Variants in EXOC6 observed in about 807,000 individuals in gnomAD.
The protein encoded by EXOC6 is SEC15-like 1.
Under a neutral mutation model 112.5 loss-of-function variants are expected in EXOC6, and 60 were observed. That is an observed-to-expected ratio of 0.53 (90% CI 0.43 to 0.66). EXOC6 has a LOEUF of 0.66. EXOC6 is among the 30% of genes least tolerant of loss of function. The pLI is 0.00. For synonymous variants in EXOC6, 295 were observed against 308.0 expected, an observed-to-expected ratio of 0.96 and a Z score of 0.44; for missense variants, 855 against 957.1, an observed-to-expected ratio of 0.89 and a Z score of 1.41.
chr10:92,909,574 CT>C lies in EXOC6; in HGVS notation c.611del (p.Leu204TrpfsTer11). Reference sequence around the variant, plus strand: ...AAATCTCCATGTCTGATCTCAAAGACTTTTTGGAAAGTATTCGAAAACATTC... The same window carrying C: ...AAATCTCCATGTCTGATCTCAAAGACTTTTGGAAAGTATTCGAAAACATTC... ...KEISMSDLKD[F>X]LESIRKHSDK... On this transcript the variant is annotated frameshift_variant, in exon 6 of 22. Coordinates refer to ENST00000260762, the MANE Select transcript of EXOC6 (RefSeq NM_019053.6). LOFTEE classifies it high-confidence loss of function. 1 of 1,612,966 alleles carries C rather than the reference CT, an allele frequency of 6.2e-7. No homozygotes were observed. The highest frequency in any genetic ancestry group is 8.5e-7 in the Non-Finnish European group (1 of 1,179,394).
chr10:92,952,295 C>G lies in EXOC6; in HGVS notation c.1439C>G (p.Pro480Arg), dbSNP rs767494991. ...CAGCAGTCTTTCCCAAAGAAATTCC[C>G]CATGTCTCAGTCAGTGCCTCATATT... ...LEKQSFPKKF[P>R]MSQSVPHIYI... Residue 480 changes from proline (P) to arginine (R), a missense_variant, in exon 15 of 22, where the codon CCC (proline) becomes CGC (arginine). Physicochemically the swap from Pro to Arg is moderately radical, Grantham distance 103. Transcript: ENST00000260762. The G allele has an allele frequency of 6.2e-7, 1 of 1,608,796 alleles. No individual in the cohort carries two copies. Among genetic ancestry groups the G allele is most frequent in the Non-Finnish European group, 8.5e-7 (1 of 1,177,458 alleles).
intron 17 of EXOC6, among the ~76,000 whole-genome samples, chr10:92,971,260 G>A (rs1278073915): frequency 1.3e-5 from 2 of 152,108 alleles, no homozygotes; most frequent in Admixed American, 1.3e-4. Flanking sequence ...TAGCCAGGAT[G>A]GTCTTGATCT....
chr10:92,971,120 C>T (rs1265589902), intron 17 of EXOC6, among the ~76,000 whole-genome samples: 4 of 151,720 alleles, frequency 2.6e-5, no homozygotes, highest in South Asian at 2.1e-4. Context: ...GGCGCGATCT[C>T]GGCTCATTGC....
intron 13 of EXOC6, among the ~76,000 whole-genome samples, chr10:92,944,836 A>G (rs763823263): frequency 7.3e-5 from 11 of 150,142 alleles, no homozygotes; most frequent in African/African-American, 1.2e-4. Flanking sequence ...GCAATGGTGC[A>G]ATCTCAGCTC....
At chr10:92,858,919 C>T (rs1299219426) in intron 1 of EXOC6, among the ~76,000 whole-genome samples, 1 of 152,158 alleles carries the variant, frequency 6.6e-6, no homozygotes, top group Admixed American at 6.5e-5. Flanking sequence ...CGCACACCGC[C>T]ACACCCGGCT....
chr10:92,842,283 C>T (rs571722791), intron 1 of EXOC6, among the ~76,000 whole-genome samples: 5 of 150,830 alleles, frequency 3.3e-5, no homozygotes, highest in African/African-American at 7.3e-5. Flanking sequence ...TGCTTGAACC[C>T]GCGAGGTGGA....
intron 13 of EXOC6, among the ~76,000 whole-genome samples, chr10:92,941,353 C>G: frequency 6.6e-6 from 1 of 152,102 alleles, no homozygotes. Flanking sequence ...TTCCTTCCAC[C>G]TTTTGACTAT....
At chr10:92,970,323 A>G (rs1207718858) in intron 17 of EXOC6, among the ~76,000 whole-genome samples, 1 of 152,248 alleles carries the variant, frequency 6.6e-6, no homozygotes, top group African/African-American at 2.4e-5. Context: ...ATACAGTGTG[A>G]CAACTATTTA....
intron 20 of EXOC6, among the ~76,000 whole-genome samples, chr10:93,022,215 G>T (rs538695484): frequency 8.5e-5 from 13 of 152,184 alleles, no homozygotes; most frequent in African/African-American, 3.1e-4. Context: ...ATTAAGTCCT[G>T]GTTGACTTTT....
chr10:92,865,276 G>C (rs1168406360), intron 1 of EXOC6, among the ~76,000 whole-genome samples: 1 of 152,088 alleles, frequency 6.6e-6, no homozygotes, highest in Non-Finnish European at 1.5e-5. Flanking sequence ...GCTCACGCCT[G>C]TAATTCCAGC....
At chr10:92,888,189 C>T (rs1849323456) in intron 1 of EXOC6, among the ~76,000 whole-genome samples, 1 of 152,058 alleles carries the variant, frequency 6.6e-6, no homozygotes, top group African/African-American at 2.4e-5. Context: ...TTACCCCTCT[C>T]AGGCTTTGGT....
At chr10:93,047,526 G>A (rs1179063725) in intron 20 of EXOC6, among the ~76,000 whole-genome samples, 1 of 150,562 alleles carries the variant, frequency 6.6e-6, no homozygotes, top group African/African-American at 2.5e-5. Context: ...TCAGAGTGAG[G>A]CTATGTCTCA....
intron 20 of EXOC6, among the ~76,000 whole-genome samples, chr10:93,027,451 G>T (rs973373620): frequency 3.2e-5 from 4 of 123,740 alleles, no homozygotes; most frequent in African/African-American, 9.1e-5. Context: ...ATTGGAAAAA[G>T]GTATCAACTA....
At chr10:92,870,829 C>T (rs1453270617) in intron 1 of EXOC6, among the ~76,000 whole-genome samples, 2 of 152,050 alleles carry the variant, frequency 1.3e-5, no homozygotes, top group African/African-American at 4.8e-5. Context: ...CCTGCCTCAG[C>T]CTCCTGAGTA....
chr10:92,877,339 G>A (rs972704408), intron 1 of EXOC6, among the ~76,000 whole-genome samples: 20 of 151,686 alleles, frequency 1.3e-4, no homozygotes, highest in African/African-American at 4.8e-4. Flanking sequence ...ATGAGTCTAA[G>A]ATTTGGATTG....
chr10:93,004,706 G>A (rs1843900340), intron 19 of EXOC6, among the ~76,000 whole-genome samples: 1 of 152,054 alleles, frequency 6.6e-6, no homozygotes, highest in African/African-American at 2.4e-5. Context: ...CAGGAATATA[G>A]AATTATATGA....
At chr10:92,946,028 C>T (rs1339157854) in intron 13 of EXOC6, among the ~76,000 whole-genome samples, 1 of 151,994 alleles carries the variant, frequency 6.6e-6, no homozygotes, top group East Asian at 1.9e-4. Context: ...CGGTGGCTCA[C>T]GCCAGTAATC....
chr10:92,852,882 A>G (rs1350003641), intron 1 of EXOC6, among the ~76,000 whole-genome samples: 2 of 152,182 alleles, frequency 1.3e-5, no homozygotes, highest in African/African-American at 4.8e-5. Flanking sequence ...CACCACTTCT[A>G]TTCAACACTG....
intron 1 of EXOC6, among the ~76,000 whole-genome samples, chr10:92,872,302 T>C (rs1202266552): frequency 2.6e-5 from 4 of 152,086 alleles, no homozygotes. Context: ...GGAGAGTCTT[T>C]TTTATTTGTT....
Sources: allele counts gnomAD v4.1 joint callset (sites outside exome capture counted in the v4.1 genomes callset), GRCh38; gene constraint gnomAD v4.1.1; transcripts MANE v1.5; gene names NCBI Gene and HGNC (gene_info 2026-07-23, HGNC 2026-07-21).